DET1: variants seen among roughly 807,000 people sequenced by gnomAD.
DET1 encodes the protein DET1 partner of COP1 E3 ubiquitin ligase, also known as DET1 homolog.
Under a neutral mutation model 43.7 loss-of-function variants are expected in DET1, and 22 were observed. That is an observed-to-expected ratio of 0.50 (90% CI 0.36 to 0.72). DET1 has a LOEUF of 0.72. Ranked by LOEUF, DET1 falls within the 30% of genes least tolerant of loss-of-function variation. The pLI is 0.00. For missense variants in DET1, 713 were observed against 713.3 expected (o/e 1.00, Z 0.00); for synonymous variants, 315 against 266.2 (o/e 1.18, Z -1.79).
intron 1 of DET1, among the ~76,000 whole-genome samples, chr15:88,542,733 C>T (rs1181079140): frequency 6.6e-6 from 1 of 152,120 alleles, no homozygotes; most frequent in Non-Finnish European, 1.5e-5. Flanking sequence ...AATGGCTATC[C>T]AAGAGGGCAG....
At chr15:88,533,409 G>C (rs1219018902) in intron 1 of DET1, among the ~76,000 whole-genome samples, 1 of 152,124 alleles carries the variant, frequency 6.6e-6, no homozygotes, top group African/African-American at 2.4e-5. Context: ...ACTACCATAA[G>C]ATCCAACAAT....
rs367738496 is a variant in DET1 at position 88,531,636 on chromosome 15, G to A, written c.70C>T (p.Arg24Cys). 348 of 1,613,752 alleles carry A rather than the reference G, an allele frequency of 2.2e-4. 2 individuals are homozygous for A. Among genetic ancestry groups the A allele is most frequent in the Non-Finnish European group, 2.6e-4 (307 of 1,179,778 alleles). ...QNQNVIHRLE[R>C]RRISSGKAGT... ...GCCTTGCCTGAACTGATCCGCCGGC[G>A]TTCCAAGCGGTGAATGACATTTTGG... The change falls in exon 2 of 5, where the codon CGC (arginine) becomes TGC (cysteine). Residue 24 changes from arginine (R) to cysteine (C), a missense_variant. Coordinates refer to ENST00000268148, the MANE Select transcript of DET1 (RefSeq NM_001144074.3). The surrounding 1 kb of genome is among the most constrained non-coding windows in gnomAD (Gnocchi z 6.2).
chr15:88,525,283 A>G (rs901119325), intron 3 of DET1, among the ~76,000 whole-genome samples: 1 of 149,770 alleles, frequency 6.7e-6, no homozygotes. Flanking sequence ...TAGTAACAGG[A>G]AAAAAAAATT....
At position 88,520,862 on chromosome 15, in the gene DET1, A is replaced by G. The variant is rs557474833; in HGVS notation, c.1272-3889T>C. 2.5e-4 allele frequency among the ~76,000 whole-genome samples: 38 copies of G among 152,326 alleles called. No individual in the cohort carries two copies. The South Asian group carries it at 7.9e-3, about 32-fold the overall frequency. On this transcript the variant is annotated intron_variant, in intron 3 of 4. Coordinates refer to ENST00000268148, the MANE Select transcript of DET1 (RefSeq NM_001144074.3). ...AAAGAACTTAAATCCTAGTGGCAGG[A>G]AACAGAATGCCATAGCTATTACTTA...
At chr15:88,522,627 G>C (rs1199209159) in intron 3 of DET1, among the ~76,000 whole-genome samples, 1 of 148,042 alleles carries the variant, frequency 6.8e-6, no homozygotes, top group Non-Finnish European at 1.5e-5. Flanking sequence ...TCCTGTCTCA[G>C]CCTCCCGAGT....
At chr15:88,510,063 G>A (rs1455490571), downstream of DET1, among the ~76,000 whole-genome samples, 2 of 152,202 alleles carry the variant, frequency 1.3e-5, no homozygotes, top group Non-Finnish European at 2.9e-5. Flanking sequence ...AGCTATAGCA[G>A]TTTATCCTTA....
At chr15:88,509,068 G>C (rs2056170890), downstream of DET1, among the ~76,000 whole-genome samples, 1 of 152,226 alleles carries the variant, frequency 6.6e-6, no homozygotes, top group Non-Finnish European at 1.5e-5. Flanking sequence ...AAGTACAGAT[G>C]CAAGTCATAG....
chr15:88,509,735 G>T (rs2056177585), downstream of DET1, among the ~76,000 whole-genome samples: 1 of 152,212 alleles, frequency 6.6e-6, no homozygotes, highest in South Asian at 2.1e-4. Context: ...AGAGTACACA[G>T]GACACAGCTG....
chr15:88,519,826 T>C (rs2056442205), intron 3 of DET1, among the ~76,000 whole-genome samples: 1 of 152,164 alleles, frequency 6.6e-6, no homozygotes, highest in Non-Finnish European at 1.5e-5. Context: ...CTTATGGCCA[T>C]GAACTTTATG....
At chr15:88,535,566 G>A (rs1210424219) in intron 1 of DET1, among the ~76,000 whole-genome samples, 1 of 152,026 alleles carries the variant, frequency 6.6e-6, no homozygotes, top group Admixed American at 6.6e-5. Flanking sequence ...GACCAGCCTG[G>A]GCATCATGGC....
chr15:88,545,425 G>C (rs1380613931), intron 1 of DET1, among the ~76,000 whole-genome samples: 1 of 152,058 alleles, frequency 6.6e-6, no homozygotes, highest in Non-Finnish European at 1.5e-5. Flanking sequence ...AGTCATAAAA[G>C]ATACCCTCCA....
In DET1 at chr15:88,531,342, CA is replaced by C; in HGVS notation, c.363del (p.Phe121LeufsTer20). Reference sequence around the variant, plus strand: ...ATGTGCAGCAGGACAAAAAAGCGTTCAAAGAGCCGGCCCCGGATATTCACTG... The same window carrying C: ...ATGTGCAGCAGGACAAAAAAGCGTTCAAGAGCCGGCCCCGGATATTCACTG... ...QRSVNIRGRL[F>X]ERFFVLLHIT... On this transcript the variant is annotated frameshift_variant, in exon 2 of 5. Coordinates refer to ENST00000268148, the MANE Select transcript of DET1 (RefSeq NM_001144074.3). LOFTEE classifies it high-confidence loss of function. The surrounding 1 kb of genome is among the most constrained non-coding windows in gnomAD (Gnocchi z 6.2). 1 of 1,613,998 alleles carries C rather than the reference CA, an allele frequency of 6.2e-7. No individual in the cohort carries two copies. Among genetic ancestry groups the C allele is most frequent in the Non-Finnish European group, 8.5e-7 (1 of 1,179,894 alleles).
At chr15:88,511,514 T>A (rs775727865), downstream of DET1, 1 of 985,374 alleles carries the variant, frequency 1.0e-6, no homozygotes, top group Non-Finnish European at 1.2e-6. Context: ...CACATTCCCA[T>A]TGATCCAACT....
At chr15:88,524,308 G>C (rs554963885) in intron 3 of DET1, among the ~76,000 whole-genome samples, 5 of 151,802 alleles carry the variant, frequency 3.3e-5, no homozygotes, top group African/African-American at 1.2e-4. Flanking sequence ...AGTGAGGAGC[G>C]TCTCCGCCCA....
chr15:88,524,164 C>T (rs911222659), intron 3 of DET1, among the ~76,000 whole-genome samples: 1 of 151,600 alleles, frequency 6.6e-6, no homozygotes, highest in Non-Finnish European at 1.5e-5. Context: ...TCTGTCCGGC[C>T]GCGACCCCGT....
chr15:88,528,891 G>A (rs2056738392), intron 2 of DET1, among the ~76,000 whole-genome samples: 1 of 152,186 alleles, frequency 6.6e-6, no homozygotes, highest in Non-Finnish European at 1.5e-5. Flanking sequence ...AATTAAAGAG[G>A]CTAGAGGGTA....
At chr15:88,505,451 C>T (rs192865538) in intron 7 of DET1, 1 of 152,272 alleles carries the variant, frequency 6.6e-6, no homozygotes, top group African/African-American at 2.4e-5. Flanking sequence ...TCAAATTAAC[C>T]CCACTGCTCT....
intron 1 of DET1, among the ~76,000 whole-genome samples, chr15:88,544,644 C>T (rs1347395479): frequency 6.6e-6 from 1 of 152,204 alleles, no homozygotes; most frequent in African/African-American, 2.4e-5. Flanking sequence ...CCGTCATCCT[C>T]ACGCCAATGG....
At chr15:88,525,716 C>T (rs1197971796) in intron 3 of DET1, among the ~76,000 whole-genome samples, 1 of 152,004 alleles carries the variant, frequency 6.6e-6, no homozygotes, top group Non-Finnish European at 1.5e-5. Context: ...GGCTGGAGTG[C>T]AGTGGCATGC....
Sources: gnomAD v4.1 joint callset for allele counts (sites outside exome capture counted in the v4.1 genomes callset) on GRCh38, gnomAD v4.1.1 for gene constraint, Gnocchi (gnomAD v3.1) non-coding constraint, MANE v1.5 for transcripts, NCBI Gene and HGNC (gene_info 2026-07-23, HGNC 2026-07-21) for gene names.